Variants in RYR3 observed in about 807,000 individuals in gnomAD.
RYR3 encodes the protein brain ryanodine receptor-calcium release channel.
In RYR3, 207 loss-of-function variants were observed where a neutral mutation model predicts 584.3. That is an observed-to-expected ratio of 0.35 (90% CI 0.32 to 0.40). RYR3 has a LOEUF of 0.40. Ranked by LOEUF, RYR3 falls within the 10% of genes least tolerant of loss-of-function variation. The pLI, the probability that RYR3 is intolerant of heterozygous loss-of-function variation, is 1.00. For missense variants in RYR3, 5,616 were observed against 6,089.2 expected, an observed-to-expected ratio of 0.92 and a Z score of 2.59; for synonymous variants, 2,416 against 2,248.5, an observed-to-expected ratio of 1.07 and a Z score of -2.11.
intron 43 of RYR3, 39 bp downstream of exon 43, chr15:33,707,093 T>G (rs978913635): frequency 6.2e-7 from 1 of 1,609,544 alleles, no homozygotes; most frequent in African/African-American, 1.3e-5. Flanking sequence ...ATACCCAGAA[T>G]AGCATGATCG....
At chr15:33,431,780 G>A (rs1198693210) in intron 1 of RYR3, among the ~76,000 whole-genome samples, 3 of 152,050 alleles carry the variant, frequency 2.0e-5, no homozygotes, top group Non-Finnish European at 4.4e-5. Context: ...AGAAGACGGA[G>A]GATAATCATA....
At chr15:33,508,112 C>T (rs2142833711) in intron 3 of RYR3, among the ~76,000 whole-genome samples, 1 of 152,300 alleles carries the variant, frequency 6.6e-6, no homozygotes, top group East Asian at 1.9e-4. Context: ...ACCAGCTGCA[C>T]TCCTGCCGAT....
intron 1 of RYR3, among the ~76,000 whole-genome samples, chr15:33,360,979 C>A (rs138585596): frequency 6.6e-6 from 1 of 152,314 alleles, no homozygotes; most frequent in African/African-American, 2.4e-5. Context: ...CTAGCTTTCT[C>A]CTCTCAGCAC....
At chr15:33,793,924 C>CTATATA (rs1555459928) in intron 67 of RYR3, among the ~76,000 whole-genome samples, 1 of 141,778 alleles carries the variant, frequency 7.1e-6, no homozygotes, top group Non-Finnish European at 1.5e-5. Flanking sequence ...CACACACACT[C>CTATATA]TATATATATA....
chr15:33,849,447 A>C (rs1485350303), intron 94 of RYR3: 1 of 151,978 alleles, frequency 6.6e-6, no homozygotes, highest in Non-Finnish European at 1.5e-5. Context: ...CAGAGGATTA[A>C]TGAATGTATG....
chr15:33,778,260 A>G (rs537474334), intron 64 of RYR3, among the ~76,000 whole-genome samples: 14 of 152,200 alleles, frequency 9.2e-5, no homozygotes, highest in African/African-American at 2.4e-4. Flanking sequence ...TTCTTTCCCA[A>G]TGCTCTCCCT....
At chr15:33,517,509 C>T (rs1191627350) in intron 3 of RYR3, among the ~76,000 whole-genome samples, 2 of 152,210 alleles carry the variant, frequency 1.3e-5, no homozygotes, top group Admixed American at 1.3e-4. Context: ...ATTCGCATCT[C>T]TTTAAAATAC....
chr15:33,707,926 C>T (rs188301701), intron 43 of RYR3, among the ~76,000 whole-genome samples: 75 of 152,320 alleles, frequency 4.9e-4, no homozygotes, highest in African/African-American at 1.8e-3. Flanking sequence ...TACTTTTCTT[C>T]ACTGTACTAT....
intron 1 of RYR3, among the ~76,000 whole-genome samples, chr15:33,435,480 A>G (rs538836901): frequency 1.3e-5 from 2 of 152,212 alleles, no homozygotes; most frequent in East Asian, 3.9e-4. Context: ...TGTGTGTGCT[A>G]TTTCACATCC....
Position 33,827,305 on chromosome 15 carries a change from G to A in RYR3, c.11334+18G>A. The A allele has an allele frequency of 6.5e-7, 1 of 1,544,378 alleles. No homozygotes were observed. The highest frequency in any genetic ancestry group is 8.8e-7 in the Non-Finnish European group (1 of 1,140,344). On this transcript the variant is annotated intron_variant, in intron 85 of 103. Transcript: ENST00000634891. ...GTCTGCAGGTGAGTGGGAGGGCCTTGGACAATGGGACCTCTCACCTTTGCT... is the reference window on the plus strand; with the variant it reads ...GTCTGCAGGTGAGTGGGAGGGCCTTAGACAATGGGACCTCTCACCTTTGCT...
intron 32 of RYR3, among the ~76,000 whole-genome samples, chr15:33,656,710 T>C (rs1421155546): frequency 6.6e-6 from 1 of 152,102 alleles, no homozygotes. Context: ...GGGTCTTAGG[T>C]CGTAGATTCT....
At position 33,571,794 on chromosome 15, in the gene RYR3, G is replaced by A. The variant is rs2058042565; in HGVS notation, c.1268+4995G>A. Among the ~76,000 whole-genome samples the A allele has an allele frequency of 1.3e-5, 2 of 152,008 alleles. 1 individual carries two copies. Among genetic ancestry groups the A allele is most frequent in the South Asian group, 4.1e-4 (2 of 4,822 alleles). On this transcript the variant is annotated intron_variant, in intron 12 of 103. Coordinates refer to ENST00000634891, the MANE Select transcript of RYR3 (RefSeq NM_001036.6). Reference sequence around the variant, plus strand: ...TATGCTTCATCCATTTATATCTAATGTAATTATTTAGATAACTGGATTTAT... The same window carrying A: ...TATGCTTCATCCATTTATATCTAATATAATTATTTAGATAACTGGATTTAT...
At chr15:33,748,377 C>T in intron 54 of RYR3, 91 bp from the exon 55 acceptor site, 1 of 1,537,366 alleles carries the variant, frequency 6.5e-7, no homozygotes, top group Non-Finnish European at 8.9e-7. Flanking sequence ...GGGGAGTTTT[C>T]AGGACACATT....
Position 33,838,021 on chromosome 15 carries a change from T to C in RYR3, c.12041T>C (p.Leu4014Pro). 1 of 1,614,022 alleles carries C rather than the reference T, an allele frequency of 6.2e-7. No individual in the cohort carries two copies. The highest frequency in any genetic ancestry group is 8.5e-7 in the Non-Finnish European group (1 of 1,179,896). The change falls in exon 89 of 104, where the codon CTG (leucine) becomes CCG (proline). Residue 4014 changes from leucine to proline, a missense_variant. By Grantham distance (98) the Leu-to-Pro change is moderately conservative. Around this residue, in one of 9 missense-constraint regions of RYR3, gnomAD observed 258 missense variants for 297.3 expected, o/e 0.87. Transcript: ENST00000634891. ...HMPNDSRLKC[L>P]LDPAESVLNY... ...CCAAACGATTCCCGCCTGAAGTGTC[T>C]GTTGGACCCAGCAGAAAGTGTGCTA... is the stretch of plus-strand genomic sequence containing the variant.
At chr15:33,523,117 T>G (rs1477922032) in intron 3 of RYR3, among the ~76,000 whole-genome samples, 2 of 152,130 alleles carry the variant, frequency 1.3e-5, no homozygotes, top group Non-Finnish European at 2.9e-5. Flanking sequence ...CAATCAGCAC[T>G]CTGTGTCTAG....
intron 85 of RYR3, among the ~76,000 whole-genome samples, chr15:33,829,506 T>C (rs560362901): frequency 1.1e-4 from 17 of 152,010 alleles, no homozygotes; most frequent in Admixed American, 6.5e-4. Context: ...CCTAGGACTT[T>C]GGGAGGCCAA....
chr15:33,338,199 C>A (rs1971381999), intron 1 of RYR3, among the ~76,000 whole-genome samples: 1 of 152,070 alleles, frequency 6.6e-6, no homozygotes. Flanking sequence ...CCCGTCTTGG[C>A]CTCCCAAAGT....
chr15:33,746,239 A>C, intron 53 of RYR3, 82 bp downstream of exon 53: 2 of 936,532 alleles, frequency 2.1e-6, no homozygotes, highest in Non-Finnish European at 3.4e-6. Context: ...TTCAGAGCAC[A>C]TTCACTCTCA....
intron 43 of RYR3, among the ~76,000 whole-genome samples, chr15:33,715,704 C>A (rs756844014): frequency 1.3e-5 from 2 of 152,192 alleles, no homozygotes; most frequent in Non-Finnish European, 2.9e-5. Context: ...CTGCTGTCTG[C>A]TTCCAAGATA....
Sources: allele counts gnomAD v4.1 joint callset (sites outside exome capture counted in the v4.1 genomes callset), GRCh38; gene constraint gnomAD v4.1.1; regional missense constraint gnomAD v4.1.1; transcripts MANE v1.5; gene names NCBI Gene and HGNC (gene_info 2026-07-23, HGNC 2026-07-21).